GRIN2A: variants seen among roughly 807,000 people sequenced by gnomAD.
GRIN2A encodes glutamate receptor ionotropic, NMDA 2A.
GRIN2A carries 22 observed loss-of-function variants against 113.4 expected under a neutral mutation model. That is an observed-to-expected ratio of 0.19 (90% CI 0.14 to 0.28). GRIN2A has a LOEUF of 0.28. Ranked by LOEUF, GRIN2A falls within the 10% of genes least tolerant of loss-of-function variation. GRIN2A has a pLI of 1.00. For synonymous variants in GRIN2A, 827 were observed against 738.4 expected (o/e 1.12, Z -1.94); for missense variants, 1,502 against 1,887.0 (o/e 0.80, Z 3.78).
At chr16:9,852,479 T>C (rs1378017719) in intron 4 of GRIN2A, among the ~76,000 whole-genome samples, 1 of 152,178 alleles carries the variant, frequency 6.6e-6, no homozygotes, top group Admixed American at 6.5e-5. Context: ...GAGAGAAAAG[T>C]TGCAAAGGTT....
chr16:10,114,408 G>A (rs915677098), intron 2 of GRIN2A, among the ~76,000 whole-genome samples: 1 of 152,186 alleles, frequency 6.6e-6, no homozygotes, highest in Non-Finnish European at 1.5e-5. Flanking sequence ...GAAGATGCCA[G>A]CCTGGGTGAA....
intron 4 of GRIN2A, among the ~76,000 whole-genome samples, chr16:9,888,810 C>G (rs1358102254): frequency 6.6e-6 from 1 of 151,902 alleles, no homozygotes; most frequent in Non-Finnish European, 1.5e-5. Flanking sequence ...CCATCTTTAT[C>G]ATAACTGGAT....
At chr16:10,075,972 A>G (rs928047865) in intron 2 of GRIN2A, among the ~76,000 whole-genome samples, 2 of 152,224 alleles carry the variant, frequency 1.3e-5, no homozygotes, top group African/African-American at 4.8e-5. Context: ...CTAGACAGTG[A>G]GAAAATCCAA....
At chr16:10,099,440 G>T (rs1427326007) in intron 2 of GRIN2A, among the ~76,000 whole-genome samples, 1 of 152,062 alleles carries the variant, frequency 6.6e-6, no homozygotes, top group Non-Finnish European at 1.5e-5. Flanking sequence ...GCAAATAACT[G>T]AGAGAAGGAA....
At chr16:10,119,181 G>A (rs1448245) in intron 2 of GRIN2A, among the ~76,000 whole-genome samples, 128,101 of 151,884 alleles carry the variant, frequency 0.84, 54,800 homozygotes, top group East Asian at 0.92. Context: ...GAAGCTAAGG[G>A]AAAAAAAGCC....
At chr16:9,986,088 A>T (rs137900810) in intron 2 of GRIN2A, among the ~76,000 whole-genome samples, 1 of 152,184 alleles carries the variant, frequency 6.6e-6, no homozygotes, top group Non-Finnish European at 1.5e-5. Context: ...TGATCACACA[A>T]CTTTAAAGGA....
rs948782419 is a variant in GRIN2A at position 9,764,611 on chromosome 16, T to C, written c.2933A>G (p.Tyr978Cys). ...ANRQKDNLNNYVFQGQHPLTL... is the reference protein window; with the variant it reads ...ANRQKDNLNNCVFQGQHPLTL... ...AAGAGGATGTTGTCCCTGGAATACATAGTTATTGAGGTTATCCTTCTGCCG... is the reference window on the plus strand; with the variant it reads ...AAGAGGATGTTGTCCCTGGAATACACAGTTATTGAGGTTATCCTTCTGCCG... Residue 978 changes from tyrosine to cysteine, a missense_variant, in exon 13 of 13, where the codon TAT becomes TGT. Physicochemically the swap from Tyr to Cys is radical, Grantham distance 194. Transcript: ENST00000330684. 5 of 1,614,094 alleles carry C rather than the reference T, an allele frequency of 3.1e-6. No individual in the cohort carries two copies. The highest frequency in any genetic ancestry group is 2.2e-5 in the East Asian group (1 of 44,878).
chr16:9,836,647 T>C (rs2042587559), intron 7 of GRIN2A, among the ~76,000 whole-genome samples: 1 of 152,204 alleles, frequency 6.6e-6, no homozygotes. Context: ...AGTAGTCTTG[T>C]TTTAGTAAAT....
At chr16:9,940,204 T>C (rs937160090) in intron 2 of GRIN2A, among the ~76,000 whole-genome samples, 19 of 152,252 alleles carry the variant, frequency 1.2e-4, no homozygotes, top group African/African-American at 3.4e-4. Context: ...TCTATCAGAA[T>C]GGGCCAAAAG....
rs191742772 is a variant in GRIN2A at position 9,899,395 on chromosome 16, G to A, written c.1008-8295C>T. ...GTGGAGGTTGTGGTGAGTGGAGATC[G>A]CACCATTGCACTCTAGCCTGGGCAA... On this transcript the variant is annotated intron_variant, in intron 3 of 12. Coordinates refer to ENST00000330684, the MANE Select transcript of GRIN2A (RefSeq NM_001134407.3). 9.2e-3 allele frequency among the ~76,000 whole-genome samples: 1,129 copies of A among 122,442 alleles called. 11 individuals carry two copies. The highest frequency in any genetic ancestry group is 0.029 in the Middle Eastern group (4 of 138). The allele number at this position is 122,442 out of a possible 152,430, so 80.3% of individuals were successfully genotyped here.
At chr16:10,007,033 T>C (rs1351567603) in intron 2 of GRIN2A, among the ~76,000 whole-genome samples, 3 of 152,250 alleles carry the variant, frequency 2.0e-5, no homozygotes, top group Non-Finnish European at 2.9e-5. Flanking sequence ...CATTAATCTG[T>C]TGATGAACAC....
At chr16:9,812,496 G>C (rs373431894) in intron 10 of GRIN2A, among the ~76,000 whole-genome samples, 2 of 152,002 alleles carry the variant, frequency 1.3e-5, no homozygotes, top group African/African-American at 4.8e-5. Context: ...AAAATTAACC[G>C]GGTGTGGTGG....
intron 5 of GRIN2A, among the ~76,000 whole-genome samples, chr16:9,842,365 C>T (rs1250761764): frequency 6.6e-6 from 1 of 152,180 alleles, no homozygotes; most frequent in African/African-American, 2.4e-5. Context: ...GGGCAATATG[C>T]TTGATTAATG....
chr16:9,915,679 G>A (rs2044235495), intron 3 of GRIN2A, among the ~76,000 whole-genome samples: 1 of 152,200 alleles, frequency 6.6e-6, no homozygotes, highest in Admixed American at 6.5e-5. Flanking sequence ...CATCAATGGA[G>A]GTAGTTTAGG....
chr16:9,977,680 T>A (rs948984751), intron 2 of GRIN2A, among the ~76,000 whole-genome samples: 4 of 152,078 alleles, frequency 2.6e-5, no homozygotes, highest in African/African-American at 9.7e-5. Flanking sequence ...TATAAAAGTG[T>A]CCCACTCTCC....
intron 3 of GRIN2A, among the ~76,000 whole-genome samples, chr16:9,930,896 A>G (rs949454785): frequency 2.0e-4 from 31 of 152,218 alleles, no homozygotes; most frequent in African/African-American, 7.5e-4. Context: ...ACTCTTTCTC[A>G]CATATATATC....
chr16:9,760,541 T>C lies in GRIN2A; in HGVS notation c.*2608A>G, dbSNP rs1281353082. The C allele has an allele frequency of 4.5e-6, 1 of 220,522 alleles. No homozygotes were observed. Among genetic ancestry groups the C allele is most frequent in the Non-Finnish European group, 9.1e-6 (1 of 110,158 alleles). The allele number at this position is 220,522 out of a possible 1,614,324, so 13.7% of individuals were successfully genotyped here. A position where few individuals can be genotyped will look rare whatever the true frequency, so the allele number is the denominator to read the frequency against. ...ATATATATTTTTTTCACAACATTAC[T>C]GTTGATTCTTCCAAAGGCCACGTTT... On this transcript the variant is annotated 3_prime_UTR_variant, in exon 13 of 13. Transcript: ENST00000330684.
intron 5 of GRIN2A, among the ~76,000 whole-genome samples, chr16:9,847,633 A>C (rs1299994359): frequency 6.7e-6 from 1 of 149,580 alleles, no homozygotes; most frequent in East Asian, 1.9e-4. Flanking sequence ...ATATATTTTT[A>C]ACACATAAAA....
intron 2 of GRIN2A, among the ~76,000 whole-genome samples, chr16:10,138,703 G>A (rs931417984): frequency 1.3e-5 from 2 of 152,114 alleles, no homozygotes; most frequent in African/African-American, 4.8e-5. Context: ...CTGTCAAGCA[G>A]GGGTAAGAAT....
Sources: allele counts gnomAD v4.1 joint callset (sites outside exome capture counted in the v4.1 genomes callset), GRCh38; gene constraint gnomAD v4.1.1; transcripts MANE v1.5; gene names NCBI Gene and HGNC (gene_info 2026-07-23, HGNC 2026-07-21).